Variants in TPO observed in about 807,000 individuals in gnomAD.
TPO encodes the protein thyroid peroxidase.
In TPO, 78 loss-of-function variants were observed where a neutral mutation model predicts 96.9. That is an observed-to-expected ratio of 0.81 (90% CI 0.67 to 0.97). The LOEUF (loss-of-function observed/expected upper bound fraction) is 0.97. TPO is among the 50% of genes least tolerant of loss of function. TPO has a pLI of 0.00. For synonymous variants in TPO, 547 were observed against 538.0 expected (o/e 1.02, Z -0.23); for missense variants, 1,252 against 1,274.8 (o/e 0.98, Z 0.27).
At chr2:1,479,884 C>T (rs560789630) in intron 8 of TPO, among the ~76,000 whole-genome samples, 6 of 152,026 alleles carry the variant, frequency 3.9e-5, no homozygotes, top group East Asian at 3.9e-4. Context: ...CAGGTTCAAG[C>T]GATTCTCCTG....
In TPO at chr2:1,499,265, G is replaced by A. The variant is rs547466065; in HGVS notation, c.2386+2500G>A. ...CCTTCCACCTGCCCTCTGACCTTCC[G>A]CCTGGGACGTTGCTCATCTGTCTCC... On this transcript the variant is annotated intron_variant, in intron 13 of 16. Coordinates refer to ENST00000329066, the MANE Select transcript of TPO (RefSeq NM_001206744.2). Among the ~76,000 whole-genome samples, 6 of 152,128 alleles carry A rather than the reference G, an allele frequency of 3.9e-5. No homozygotes were observed. The South Asian group carries it at 8.3e-4, about 21-fold the overall frequency.
intron 16 of TPO, chr2:1,542,181 CCCACTCTGTGAGTAGGAACCTTTG>C (rs1680841526): frequency 4.9e-6 from 3 of 607,238 alleles, no homozygotes; most frequent in Admixed American, 2.8e-5. Context: ...GATTGCAGAT[CCCACTCTGTGAGTAGGAACCTTTG>C]CCACGTGGAT....
chr2:1,397,640 G>A (rs1348097220), intron 1 of TPO, among the ~76,000 whole-genome samples: 1 of 152,168 alleles, frequency 6.6e-6, no homozygotes, highest in Non-Finnish European at 1.5e-5. Flanking sequence ...GCCTGTGGAG[G>A]CAGAGCTGGG....
chr2:1,470,474 A>G (rs1176825788), intron 7 of TPO, among the ~76,000 whole-genome samples: 1 of 151,346 alleles, frequency 6.6e-6, no homozygotes, highest in Non-Finnish European at 1.5e-5. Flanking sequence ...TTTCTTCTCT[A>G]TGACATCTAC....
rs1215137502 is a variant in TPO at position 1,516,986 on chromosome 2, A to G, written c.2618+4A>G. ...CCTCGACGGTGATTTGCAGGTGGTA[A>G]GTCCTTCACTTTTTGACTGTTACTT... is the stretch of plus-strand genomic sequence containing the variant. On this transcript the variant is annotated splice_donor_region_variant and intron_variant, in intron 15 of 16. Coordinates refer to ENST00000329066, the MANE Select transcript of TPO (RefSeq NM_001206744.2). 1.9e-6 allele frequency: 3 copies of G among 1,613,692 alleles called. No individual in the cohort carries two copies. In the African/African-American group the frequency reaches 4.0e-5, roughly 21 times the overall value.
chr2:1,511,872 A>AT (rs1312003248), intron 14 of TPO, among the ~76,000 whole-genome samples: 1 of 152,222 alleles, frequency 6.6e-6, no homozygotes, highest in Non-Finnish European at 1.5e-5. Flanking sequence ...ACGACAGCCA[A>AT]TTGGTCCATA....
chr2:1,440,652 A>T (rs1666075598), intron 5 of TPO, among the ~76,000 whole-genome samples: 2 of 151,754 alleles, frequency 1.3e-5, no homozygotes, highest in African/African-American at 4.8e-5. Flanking sequence ...AAGGGAATGG[A>T]GCAGGCTGCT....
chr2:1,489,412 C>A (rs1671500037), intron 10 of TPO, among the ~76,000 whole-genome samples: 1 of 152,216 alleles, frequency 6.6e-6, no homozygotes, highest in Non-Finnish European at 1.5e-5. Context: ...CTGCTGACTT[C>A]CCCAAGCTAA....
At chr2:1,439,523 T>A in intron 5 of TPO, 1 of 152,134 alleles carries the variant, frequency 6.6e-6, no homozygotes, top group Non-Finnish European at 1.5e-5. Context: ...AGCTCAAATT[T>A]ACTCATGCCC....
Position 1,393,559 on chromosome 2 carries a change from G to A in TPO, n.180+19157G>A, listed in dbSNP as rs115103517. Among the ~76,000 whole-genome samples the A allele has an allele frequency of 1.0e-3, 157 of 152,272 alleles. 1 individual carries two copies. Among genetic ancestry groups the A allele is most frequent in the African/African-American group, 3.7e-3 (153 of 41,552 alleles). ...GTGAACCTGCTGATATCAAGCTCAG[G>A]GACACCTGTGAACCCGCTGATAGCA... On this transcript the variant is annotated intron_variant and non_coding_transcript_variant, in intron 1 of 5. Transcript: ENST00000497517.
intron 6 of TPO, among the ~76,000 whole-genome samples, chr2:1,455,792 A>C (rs1667732912): frequency 6.6e-6 from 1 of 152,160 alleles, no homozygotes; most frequent in Non-Finnish European, 1.5e-5. Flanking sequence ...ACAACACTGA[A>C]AGCTCAACCT....
chr2:1,376,053 C>T (rs932645614), intron 1 of TPO, among the ~76,000 whole-genome samples: 1 of 152,230 alleles, frequency 6.6e-6, no homozygotes, highest in Admixed American at 6.5e-5. Context: ...ACACCCAGCA[C>T]GTGCATCGTG....
intron 1 of TPO, among the ~76,000 whole-genome samples, chr2:1,407,684 T>G (rs956359800): frequency 6.6e-6 from 1 of 152,184 alleles, no homozygotes; most frequent in African/African-American, 2.4e-5. Context: ...TCAGAATATT[T>G]AATAAACCAG....
intron 5 of TPO, among the ~76,000 whole-genome samples, chr2:1,446,921 C>T (rs1196268544): frequency 6.6e-6 from 1 of 152,152 alleles, no homozygotes; most frequent in East Asian, 1.9e-4. Context: ...TTACATGTCA[C>T]ATTTAGATCT....
chr2:1,480,849 A>ACC (rs1491437363), intron 8 of TPO, among the ~76,000 whole-genome samples: 6 of 151,262 alleles, frequency 4.0e-5, no homozygotes, highest in Admixed American at 6.6e-5. Flanking sequence ...TGTCCTCACC[A>ACC]TACCCACTCT....
chr2:1,535,615 GTA>G (rs1679451596), intron 15 of TPO, among the ~76,000 whole-genome samples: 1 of 21,422 alleles, frequency 4.7e-5, no homozygotes, highest in African/African-American at 1.8e-4. Context: ...GCCCCGCAGT[GTA>G]CAACCTCCTC....
At chr2:1,438,646 G>C (rs750064351) in intron 5 of TPO, among the ~76,000 whole-genome samples, 1 of 141,676 alleles carries the variant, frequency 7.1e-6, no homozygotes, top group Non-Finnish European at 1.5e-5. Context: ...GTGCAACATC[G>C]TGGGCATCCT....
In TPO at chr2:1,425,040, G is replaced by T. The variant is rs149940334; in HGVS notation, c.179+1911G>T. On this transcript the variant is annotated intron_variant, in intron 3 of 16. Coordinates refer to ENST00000329066, the MANE Select transcript of TPO (RefSeq NM_001206744.2). ...ATCCTCAGAAGTCCGTGCCCCTTCT[G>T]TAAAGTCATTGTTCTGGATGCTGGG... Among the ~76,000 whole-genome samples, 552 of 115,286 alleles carry T rather than the reference G, an allele frequency of 4.8e-3. 7 individuals are homozygous for T. The highest frequency in any genetic ancestry group is 0.017 in the African/African-American group (532 of 31,784). 75.6% of individuals were successfully genotyped at this position (115,286 alleles called of 152,430 possible). A position where few individuals can be genotyped will look rare whatever the true frequency, so the allele number is the denominator to read the frequency against.
chr2:1,375,441 A>G (rs1367837255), intron 1 of TPO, among the ~76,000 whole-genome samples: 1 of 152,102 alleles, frequency 6.6e-6, no homozygotes, highest in Non-Finnish European at 1.5e-5. Context: ...AGCCTTTTCC[A>G]AAGAGGGTTT....
Sources: allele counts gnomAD v4.1 joint callset (sites outside exome capture counted in the v4.1 genomes callset), GRCh38; gene constraint gnomAD v4.1.1; transcripts MANE v1.5; gene names NCBI Gene and HGNC (gene_info 2026-07-23, HGNC 2026-07-21).